Variants in SFXN5 observed in about 807,000 individuals in gnomAD.
SFXN5 encodes sideroflexin-5.
SFXN5 carries 43 observed loss-of-function variants against 50.2 expected under a neutral mutation model. The ratio of observed to expected loss-of-function variants is 0.86; its 90% CI spans 0.67 to 1.11. The LOEUF (loss-of-function observed/expected upper bound fraction) is 1.11. SFXN5 is among the 50% of genes least tolerant of loss of function. SFXN5 has a pLI of 0.00. For missense variants in SFXN5, 463 were observed against 454.1 expected (o/e 1.02, Z -0.18); for synonymous variants, 203 against 185.8 (o/e 1.09, Z -0.75).
intron 2 of SFXN5, among the ~76,000 whole-genome samples, chr2:73,048,675 C>T (rs896847384): frequency 6.6e-5 from 10 of 152,184 alleles, no homozygotes; most frequent in African/African-American, 2.2e-4. Flanking sequence ...AAGCACACAA[C>T]GTCAGTTTCT....
chr2:73,054,553 G>A (rs1448384329), intron 2 of SFXN5, among the ~76,000 whole-genome samples: 1 of 152,048 alleles, frequency 6.6e-6, no homozygotes, highest in African/African-American at 2.4e-5. Context: ...AAAGGGAGCG[G>A]GGACCCTCCT....
At chr2:72,971,074 T>C (rs1217045078) in intron 11 of SFXN5, among the ~76,000 whole-genome samples, 1 of 152,168 alleles carries the variant, frequency 6.6e-6, no homozygotes, top group Non-Finnish European at 1.5e-5. Flanking sequence ...CAAAATATTC[T>C]CCAAACCTCT....
At chr2:73,007,653 G>T (rs1479888484) in intron 6 of SFXN5, among the ~76,000 whole-genome samples, 1 of 152,090 alleles carries the variant, frequency 6.6e-6, no homozygotes, top group African/African-American at 2.4e-5. Context: ...AGCCTCCCAG[G>T]TAGAGCAAGT....
At chr2:73,058,861 C>G (rs1682489342) in intron 1 of SFXN5, 1 of 481,580 alleles carries the variant, frequency 2.1e-6, no homozygotes, top group African/African-American at 2.0e-5. Context: ...TCCCCTCTCT[C>G]TCCCAGTGCC....
At chr2:72,951,264 A>G (rs751843338) in intron 13 of SFXN5, among the ~76,000 whole-genome samples, 49 of 152,070 alleles carry the variant, frequency 3.2e-4, no homozygotes, top group Non-Finnish European at 5.9e-4. Context: ...CCCTCTCCGT[A>G]TCAGAGTGCC....
chr2:73,022,915 C>T (rs1677085542), intron 4 of SFXN5, among the ~76,000 whole-genome samples: 1 of 152,230 alleles, frequency 6.6e-6, no homozygotes, highest in African/African-American at 2.4e-5. Flanking sequence ...ATTCCTGGCA[C>T]ATGGTAGGTA....
At chr2:73,056,696 A>G (rs1682177629) in intron 2 of SFXN5, among the ~76,000 whole-genome samples, 1 of 152,072 alleles carries the variant, frequency 6.6e-6, no homozygotes, top group Non-Finnish European at 1.5e-5. Flanking sequence ...AAAAAAAAAA[A>G]AAAACACAAA....
chr2:73,020,331 C>A, intron 5 of SFXN5, 67 bp from the exon 6 acceptor site: 3 of 1,565,436 alleles, frequency 1.9e-6, no homozygotes, highest in South Asian at 2.3e-5. Context: ...TACCCAGGAG[C>A]CTCCGGGTTA....
At chr2:73,034,699 C>T (rs1432646658) in intron 3 of SFXN5, among the ~76,000 whole-genome samples, 1 of 152,188 alleles carries the variant, frequency 6.6e-6, no homozygotes, top group Non-Finnish European at 1.5e-5. Flanking sequence ...CACTCCCCAT[C>T]ACTCCAGTTG....
intron 2 of SFXN5, among the ~76,000 whole-genome samples, chr2:73,055,195 T>A (rs1681926085): frequency 6.6e-6 from 1 of 152,278 alleles, no homozygotes; most frequent in African/African-American, 2.4e-5. Flanking sequence ...GCTGCCCACG[T>A]GACGGCCAGG....
chr2:72,963,804 G>A (rs978920359), intron 12 of SFXN5, among the ~76,000 whole-genome samples: 1 of 152,276 alleles, frequency 6.6e-6, no homozygotes, highest in East Asian at 1.9e-4. Context: ...TCCAGCACAG[G>A]AACCTGTGAT....
intron 1 of SFXN5, among the ~76,000 whole-genome samples, chr2:73,069,729 A>G (rs114891343): frequency 0.011 from 1,656 of 152,306 alleles, 29 homozygotes; most frequent in African/African-American, 0.038. Flanking sequence ...GCTCAGTCAT[A>G]TAAGCCACTA....
intron 10 of SFXN5, among the ~76,000 whole-genome samples, chr2:72,974,518 AT>A (rs1670391417): frequency 6.6e-6 from 1 of 152,188 alleles, no homozygotes; most frequent in South Asian, 2.1e-4. Context: ...TCTCAGAATG[AT>A]GGTACCTGCC....
intron 13 of SFXN5, among the ~76,000 whole-genome samples, chr2:72,947,034 C>T (rs548693464): frequency 1.9e-3 from 283 of 152,354 alleles, no homozygotes; most frequent in African/African-American, 6.4e-3. Context: ...CTCTGCTCTC[C>T]CGTCTTCAGC....
At chr2:73,009,676 T>C (rs1001087892) in intron 6 of SFXN5, among the ~76,000 whole-genome samples, 2 of 152,220 alleles carry the variant, frequency 1.3e-5, no homozygotes, top group African/African-American at 2.4e-5. Flanking sequence ...CATGCGTTTA[T>C]TCACAGAAGG....
chr2:73,020,165 C>T, intron 6 of SFXN5, 74 bp downstream of exon 6: 4 of 1,380,978 alleles, frequency 2.9e-6, no homozygotes, highest in South Asian at 1.2e-5. Flanking sequence ...GTCAAATACC[C>T]GTGAGCAATA....
chr2:73,063,402 G>A (rs932822113), intron 1 of SFXN5, among the ~76,000 whole-genome samples: 4 of 152,134 alleles, frequency 2.6e-5, no homozygotes, highest in Admixed American at 2.0e-4. Context: ...AAAATATTTG[G>A]TATATAATTT....
Position 72,944,983 on chromosome 2 carries a change from C to G in SFXN5, c.*39G>C. On this transcript the variant is annotated 3_prime_UTR_variant, in exon 14 of 14. Coordinates refer to ENST00000272433, the MANE Select transcript of SFXN5 (RefSeq NM_144579.3). ...TCTACGGCCCTGCCCCTCAGCTCCC[C>G]GGCTGCACAGTGCTCCGTCCCCAGG... The G allele has an allele frequency of 6.3e-7, 1 of 1,596,592 alleles. No homozygotes were observed. The highest frequency in any genetic ancestry group is 8.6e-7 in the Non-Finnish European group (1 of 1,167,310).
At chr2:73,024,236 C>T (rs1032171486) in intron 3 of SFXN5, among the ~76,000 whole-genome samples, 4 of 152,030 alleles carry the variant, frequency 2.6e-5, no homozygotes, top group African/African-American at 9.7e-5. Context: ...GTTGGTAAGG[C>T]TGGTCTTGAA....
Sources: gnomAD v4.1 joint callset for allele counts (sites outside exome capture counted in the v4.1 genomes callset) on GRCh38, gnomAD v4.1.1 for gene constraint, MANE v1.5 for transcripts, NCBI Gene and HGNC (gene_info 2026-07-23, HGNC 2026-07-21) for gene names.